The following ENTREP2 variants were observed in gnomAD, a reference collection of about 807,000 sequenced individuals.
The protein encoded by ENTREP2 is endosomal transmembrane epsin interactor 2.
chr15:29,139,428 G>A, the ENTREP2 span, among the ~76,000 whole-genome samples: 1 of 152,266 alleles, frequency 6.6e-6, no homozygotes, highest in East Asian at 1.9e-4. Flanking sequence ...ACAGAGCTGA[G>A]AAGCAGGGCG....
At chr15:29,177,253 CAT>C in the ENTREP2 span, among the ~76,000 whole-genome samples, 3 of 152,146 alleles carry the variant, frequency 2.0e-5, no homozygotes, top group Non-Finnish European at 4.4e-5. Context: ...TGTGAGTACA[CAT>C]GTGATGGCTG....
chr15:29,232,505 T>A, the ENTREP2 span, among the ~76,000 whole-genome samples: 1 of 151,866 alleles, frequency 6.6e-6, no homozygotes, highest in South Asian at 2.1e-4. Flanking sequence ...TCATTTTTTT[T>A]AAAGAGATGG....
At chr15:29,321,313 C>A in the ENTREP2 span, among the ~76,000 whole-genome samples, 2 of 152,090 alleles carry the variant, frequency 1.3e-5, no homozygotes, top group Admixed American at 6.5e-5. Flanking sequence ...AAGAAGAAAT[C>A]CCACCAACCT....
At chr15:29,587,345 A>C in the ENTREP2 span, among the ~76,000 whole-genome samples, 1 of 152,054 alleles carries the variant, frequency 6.6e-6, no homozygotes, top group Non-Finnish European at 1.5e-5. Context: ...GGACTGCAAA[A>C]GAGCTGTGAA....
the ENTREP2 span, among the ~76,000 whole-genome samples, chr15:29,353,025 C>T: frequency 1.3e-5 from 2 of 152,184 alleles, no homozygotes; most frequent in Non-Finnish European, 2.9e-5. Flanking sequence ...ATGACACTTA[C>T]ATTAGAGCAT....
chr15:29,548,666 A>G, the ENTREP2 span, among the ~76,000 whole-genome samples: 1 of 152,216 alleles, frequency 6.6e-6, no homozygotes, highest in African/African-American at 2.4e-5. Flanking sequence ...TAATGGGACC[A>G]CAAAATCATA....
chr15:29,603,486 A>G, the ENTREP2 span, among the ~76,000 whole-genome samples: 4 of 152,220 alleles, frequency 2.6e-5, no homozygotes, highest in South Asian at 2.1e-4. Context: ...ACCTGCAAAG[A>G]TGACTCCTGA....
chr15:29,486,841 C>T, the ENTREP2 span, among the ~76,000 whole-genome samples: 4 of 151,990 alleles, frequency 2.6e-5, no homozygotes, highest in African/African-American at 9.7e-5. Context: ...AAAAAATGAG[C>T]TCATGGATAT....
chr15:29,416,749 C>T, the ENTREP2 span, among the ~76,000 whole-genome samples: 29,365 of 152,110 alleles, frequency 0.19, 3,505 homozygotes, highest in Middle Eastern at 0.38. Flanking sequence ...ATCTACTCAT[C>T]TGACAAAGGG....
At chr15:29,524,000 C>CTT in the ENTREP2 span, among the ~76,000 whole-genome samples, 1 of 151,596 alleles carries the variant, frequency 6.6e-6, no homozygotes, top group Non-Finnish European at 1.5e-5. Flanking sequence ...GCTATGATAC[C>CTT]AGAAGAACAA....
chr15:29,674,515 G>A, the ENTREP2 span, among the ~76,000 whole-genome samples: 1 of 152,084 alleles, frequency 6.6e-6, no homozygotes, highest in Non-Finnish European at 1.5e-5. Context: ...TGATCCGCCC[G>A]CCTCGGCCTC....
chr15:29,273,036 TAG>T, the ENTREP2 span, among the ~76,000 whole-genome samples: 1 of 152,056 alleles, frequency 6.6e-6, no homozygotes. Context: ...GTTTAGCTCT[TAG>T]GGAAGAAAGC....
chr15:29,435,706 AAT>A, the ENTREP2 span, among the ~76,000 whole-genome samples: 9 of 151,738 alleles, frequency 5.9e-5, no homozygotes, highest in African/African-American at 1.7e-4. Flanking sequence ...ATATATATAC[AAT>A]ATGTGTGTGT....
At chr15:29,638,427 C>T in the ENTREP2 span, among the ~76,000 whole-genome samples, 3 of 152,234 alleles carry the variant, frequency 2.0e-5, no homozygotes, top group African/African-American at 7.2e-5. Flanking sequence ...GCAGACAAAA[C>T]CCTGCCAGCT....
At chr15:29,158,137 T>C in the ENTREP2 span, among the ~76,000 whole-genome samples, 4 of 152,244 alleles carry the variant, frequency 2.6e-5, no homozygotes, top group Admixed American at 2.0e-4. Flanking sequence ...TGAATGCCTT[T>C]CTACAAATAA....
chr15:29,476,623 C>T, the ENTREP2 span, among the ~76,000 whole-genome samples: 12 of 152,228 alleles, frequency 7.9e-5, no homozygotes, highest in Non-Finnish European at 5.9e-5. Flanking sequence ...CACCCTTGTC[C>T]TTCCTGGACA....
the ENTREP2 span, among the ~76,000 whole-genome samples, chr15:29,577,969 C>G: frequency 3.9e-5 from 6 of 152,102 alleles, no homozygotes; most frequent in Admixed American, 6.6e-5. Flanking sequence ...GGTACAGTTT[C>G]AATTGCAGAA....
At chr15:29,137,144 G>C in the ENTREP2 span, 3 of 1,480,254 alleles carry the variant, frequency 2.0e-6, no homozygotes, top group South Asian at 1.4e-5. Flanking sequence ...GAACGGTGCC[G>C]TGAGGAGTCA....
the ENTREP2 span, among the ~76,000 whole-genome samples, chr15:29,259,813 T>A: frequency 2.6e-5 from 4 of 151,208 alleles, no homozygotes; most frequent in Non-Finnish European, 5.9e-5. Context: ...CCCATTTACA[T>A]ATATATATAT....
Sources: gnomAD v4.1 joint callset for allele counts (sites outside exome capture counted in the v4.1 genomes callset) on GRCh38, gnomAD v4.1.1 for gene constraint, MANE v1.5 for transcripts, NCBI Gene and HGNC (gene_info 2026-07-23, HGNC 2026-07-21) for gene names.